The following CHRNB3 variants were observed in gnomAD, a reference collection of about 807,000 sequenced individuals.
The protein encoded by CHRNB3 is neuronal acetylcholine receptor subunit beta-3.
A neutral mutation model predicts 40.6 loss-of-function variants in CHRNB3; 37 were observed. That is an observed-to-expected ratio of 0.91 (90% CI 0.70 to 1.20). The LOEUF (loss-of-function observed/expected upper bound fraction) is 1.20, where lower values mean the gene tolerates loss of function less well. Ranked by LOEUF, CHRNB3 falls within the 50% of genes most tolerant of loss-of-function variation. The probability of loss-of-function intolerance (pLI) is 0.00; values close to 1 mark genes in which losing one functional copy is unlikely to be tolerated. For synonymous variants in CHRNB3, 207 were observed against 207.1 expected, an observed-to-expected ratio of 1.00 and a Z score of 0.00; for missense variants, 505 against 551.2, an observed-to-expected ratio of 0.92 and a Z score of 0.84.
At chr8:42,714,902 T>C (rs1344070218) in intron 3 of CHRNB3, 2 of 152,234 alleles carry the variant, frequency 1.3e-5, no homozygotes, top group Non-Finnish European at 2.9e-5. Flanking sequence ...GAGAGTGTCC[T>C]GTTCTCCTGT....
intron 3 of CHRNB3, among the ~76,000 whole-genome samples, chr8:42,714,518 T>C (rs1399163776): frequency 6.6e-6 from 1 of 151,310 alleles, no homozygotes; most frequent in African/African-American, 2.4e-5. Context: ...ACAAAACTTT[T>C]TAAAGCTATA....
At chr8:42,717,246 C>T (rs886064080) in intron 3 of CHRNB3, among the ~76,000 whole-genome samples, 2 of 138,814 alleles carry the variant, frequency 1.4e-5, no homozygotes, top group Admixed American at 7.2e-5. Context: ...TAGTGGCGGG[C>T]GCCTGTAGTC....
chr8:42,709,136 C>G (rs550550542), intron 2 of CHRNB3, among the ~76,000 whole-genome samples: 1 of 152,174 alleles, frequency 6.6e-6, no homozygotes, highest in African/African-American at 2.4e-5. Flanking sequence ...CTCCTGGCCC[C>G]GGTTTGCTGA....
intron 3 of CHRNB3, among the ~76,000 whole-genome samples, chr8:42,712,854 GCTCT>G (rs1251380991): frequency 2.3e-5 from 3 of 133,278 alleles, no homozygotes; most frequent in Non-Finnish European, 3.2e-5. Flanking sequence ...TTCCCCCACT[GCTCT>G]CTTTTTTTTT....
At chr8:42,711,208 G>A (rs914852623) in intron 3 of CHRNB3, among the ~76,000 whole-genome samples, 1 of 152,026 alleles carries the variant, frequency 6.6e-6, no homozygotes, top group African/African-American at 2.4e-5. Flanking sequence ...TATTCGGGAG[G>A]CTGAGGCAGG....
intron 1 of CHRNB3, among the ~76,000 whole-genome samples, chr8:42,701,019 G>A (rs1017831193): frequency 6.6e-6 from 1 of 151,804 alleles, no homozygotes; most frequent in African/African-American, 2.4e-5. Flanking sequence ...CATGAAGTCA[G>A]GAGGTGGAGA....
chr8:42,708,298 C>G (rs1815952189), intron 1 of CHRNB3, among the ~76,000 whole-genome samples: 1 of 152,132 alleles, frequency 6.6e-6, no homozygotes, highest in South Asian at 2.1e-4. Context: ...AACCCCTTCT[C>G]TACTAAAAAT....
intron 3 of CHRNB3, among the ~76,000 whole-genome samples, chr8:42,719,735 C>T (rs1443699473): frequency 6.6e-6 from 1 of 152,152 alleles, no homozygotes; most frequent in Non-Finnish European, 1.5e-5. Context: ...CAGAAGGACA[C>T]TAAGGTTGTG....
chr8:42,709,090 G>C (rs1356307134), intron 2 of CHRNB3, among the ~76,000 whole-genome samples: 1 of 152,130 alleles, frequency 6.6e-6, no homozygotes, highest in Non-Finnish European at 1.5e-5. Flanking sequence ...GGGACGATTC[G>C]CTGCGGGGAG....
intron 5 of CHRNB3, among the ~76,000 whole-genome samples, chr8:42,734,058 C>G (rs1365724967): frequency 2.0e-5 from 3 of 150,708 alleles, no homozygotes; most frequent in South Asian, 2.1e-4. Flanking sequence ...CAGATCAAGA[C>G]CATCCTGGCC....
chr8:42,698,014 C>T (rs1379960631), intron 1 of CHRNB3, among the ~76,000 whole-genome samples: 2 of 152,068 alleles, frequency 1.3e-5, no homozygotes, highest in African/African-American at 4.8e-5. Context: ...TTAATTTTGT[C>T]CAATATGCCC....
chr8:42,704,564 T>C (rs949059841), intron 1 of CHRNB3: 1 of 152,242 alleles, frequency 6.6e-6, no homozygotes, highest in Non-Finnish European at 1.5e-5. Flanking sequence ...TCAGAATGAC[T>C]GGACAGTTTT....
chr8:42,723,565 T>C (rs1816256066), intron 3 of CHRNB3, among the ~76,000 whole-genome samples: 1 of 152,178 alleles, frequency 6.6e-6, no homozygotes, highest in Non-Finnish European at 1.5e-5. Flanking sequence ...CAGGCAGACC[T>C]TAGCTTAAAG....
At chr8:42,708,626 G>A (rs1815959340) in intron 1 of CHRNB3, 91 bp from the exon 2 acceptor site, 3 of 1,407,732 alleles carry the variant, frequency 2.1e-6, no homozygotes, top group Non-Finnish European at 2.9e-6. Flanking sequence ...AGCCTATGGT[G>A]CAGGAGGCCA....
intron 3 of CHRNB3, among the ~76,000 whole-genome samples, chr8:42,724,092 A>C (rs1167990702): frequency 7.4e-6 from 1 of 135,282 alleles, no homozygotes; most frequent in Non-Finnish European, 1.6e-5. Context: ...ATCTCAAAAA[A>C]AAAGAAAAAG....
At chr8:42,726,121 CA>C in intron 3 of CHRNB3, 2 of 1,306,834 alleles carry the variant, frequency 1.5e-6, no homozygotes, top group Non-Finnish European at 2.2e-6. Context: ...CCTTCTTTGC[CA>C]AAAGTGCCTG....
intron 2 of CHRNB3, 105 bp downstream of exon 2, chr8:42,708,973 A>G: frequency 8.1e-7 from 1 of 1,238,254 alleles, no homozygotes; most frequent in African/African-American, 1.5e-5. Context: ...AATTTTAAAA[A>G]TAATTTACTG....
At chr8:42,712,628 A>G (rs1816035555) in intron 3 of CHRNB3, among the ~76,000 whole-genome samples, 1 of 152,202 alleles carries the variant, frequency 6.6e-6, no homozygotes, top group Non-Finnish European at 1.5e-5. Context: ...ATATCTTGCT[A>G]TACACCCATC....
chr8:42,714,049 C>T (rs955013094), intron 3 of CHRNB3, among the ~76,000 whole-genome samples: 1 of 152,186 alleles, frequency 6.6e-6, no homozygotes, highest in Non-Finnish European at 1.5e-5. Flanking sequence ...GGAAATGTTA[C>T]AGTGGATATT....
Sources: allele counts gnomAD v4.1 joint callset (sites outside exome capture counted in the v4.1 genomes callset), GRCh38; gene constraint gnomAD v4.1.1; transcripts MANE v1.5; gene names NCBI Gene and HGNC (gene_info 2026-07-23, HGNC 2026-07-21).